Variants in KIF16B observed in about 807,000 individuals in gnomAD.
The protein encoded by KIF16B is kinesin family member 16B.
In KIF16B, 98 loss-of-function variants were observed where a neutral mutation model predicts 156.3. The ratio of observed to expected loss-of-function variants is 0.63; its 90% CI spans 0.53 to 0.74. KIF16B has a LOEUF of 0.74. Ranked by LOEUF, KIF16B falls within the 30% of genes least tolerant of loss-of-function variation. The pLI, the probability that KIF16B is intolerant of heterozygous loss-of-function variation, is 0.00. For synonymous variants in KIF16B, 564 were observed against 583.7 expected, an observed-to-expected ratio of 0.97 and a Z score of 0.49; for missense variants, 1,421 against 1,606.5, an observed-to-expected ratio of 0.88 and a Z score of 1.97.
At position 16,464,797 on chromosome 20, in the gene KIF16B, T is replaced by G. The variant is rs958607938; in HGVS notation, c.1302+29494A>C. On this transcript the variant is annotated intron_variant, in intron 12 of 25. Transcript: ENST00000354981. ...GAACTCTGAATTTCTTTGTTTACTC[T>G]TTCATACTTGCATCCCAACCGCCTA... 3.9e-5 allele frequency among the ~76,000 whole-genome samples: 6 copies of G among 152,306 alleles called. No homozygotes were observed. The East Asian group carries it at 7.7e-4, about 20-fold the overall frequency.
intron 5 of KIF16B, among the ~76,000 whole-genome samples, chr20:16,512,189 C>T (rs1361025545): frequency 1.3e-5 from 2 of 151,936 alleles, no homozygotes; most frequent in Admixed American, 6.6e-5. Flanking sequence ...ACTTCCTGTA[C>T]CATGCTAAGT....
intron 12 of KIF16B, among the ~76,000 whole-genome samples, chr20:16,434,347 G>C (rs1437862730): frequency 6.6e-6 from 1 of 152,170 alleles, no homozygotes; most frequent in Admixed American, 6.5e-5. Context: ...CGCAAGGCCC[G>C]TGTAACCACC....
chr20:16,494,285 C>T lies in KIF16B; in HGVS notation c.1302+6G>A. On this transcript the variant is annotated splice_donor_region_variant and intron_variant, in intron 12 of 25. Transcript: ENST00000354981. ...GTAAGACTAAACACATTTTTCTAGT[C>T]CTTACTTTCAAAATATTTTGGGTTT... is the stretch of plus-strand genomic sequence containing the variant. The T allele has an allele frequency of 6.4e-7, 1 of 1,571,600 alleles. No individual in the cohort carries two copies.
Position 16,508,070 on chromosome 20 carries a change from C to G in KIF16B, c.587G>C (p.Gly196Ala). 1 of 1,614,012 alleles carries G rather than the reference C, an allele frequency of 6.2e-7. No individual in the cohort carries two copies. Among genetic ancestry groups the G allele is most frequent in the Non-Finnish European group, 8.5e-7 (1 of 1,179,946 alleles). ...DLSKHLVQNYGDVEELMDAGN... is the reference protein window; with the variant it reads ...DLSKHLVQNYADVEELMDAGN... Reference sequence around the variant, plus strand: ...CGCATCCATAAGTTCTTCTACGTCACCATAATTCTGTACTAAATGTTTGGA... The same window carrying G: ...CGCATCCATAAGTTCTTCTACGTCAGCATAATTCTGTACTAAATGTTTGGA... Residue 196 changes from glycine to alanine, a missense_variant, in exon 7 of 26, where the codon GGT becomes GCT. By Grantham distance (60) the Gly-to-Ala change is moderately conservative. Coordinates refer to ENST00000354981, the MANE Select transcript of KIF16B (RefSeq NM_024704.5).
At chr20:16,289,638 G>A (rs577126142) in intron 25 of KIF16B, among the ~76,000 whole-genome samples, 1 of 152,284 alleles carries the variant, frequency 6.6e-6, no homozygotes, top group South Asian at 2.1e-4. Flanking sequence ...CGGATCACGA[G>A]GTCAGGAGAT....
At chr20:16,327,296 G>A (rs1054628170) in intron 24 of KIF16B, among the ~76,000 whole-genome samples, 12 of 151,816 alleles carry the variant, frequency 7.9e-5, no homozygotes, top group East Asian at 1.9e-4. Context: ...AGGGGAAAGG[G>A]TGGGAGGGGG....
chr20:16,544,968 G>C (rs1379465386), intron 1 of KIF16B, among the ~76,000 whole-genome samples: 3 of 152,104 alleles, frequency 2.0e-5, no homozygotes, highest in African/African-American at 7.2e-5. Context: ...ATACTTCAAA[G>C]CTTAAACTTT....
chr20:16,504,437 T>A lies in KIF16B; in HGVS notation c.1111A>T (p.Lys371Ter), dbSNP rs752626758. 1.5e-5 allele frequency: 24 copies of A among 1,614,040 alleles called. No individual in the cohort carries two copies. In the East Asian group the frequency reaches 5.1e-4, roughly 34 times the overall value. ...KPTINEDANV[K>*]LIRELRAEIA... ...TCAGCTCGCAGCTCACGGATAAGTT[T>A]GACGTTGGCATCCTCATTAATGGTA... Residue 371 changes from lysine to a stop codon, truncating the protein, a stop_gained, in exon 10 of 26, where the codon AAA becomes TAA. Coordinates refer to ENST00000354981, the MANE Select transcript of KIF16B (RefSeq NM_024704.5). LOFTEE classifies it high-confidence loss of function.
intron 25 of KIF16B, among the ~76,000 whole-genome samples, chr20:16,294,622 C>T (rs2063357109): frequency 6.6e-6 from 1 of 152,160 alleles, no homozygotes; most frequent in Admixed American, 6.5e-5. Flanking sequence ...CTGCCTGGGT[C>T]AGGGTCCATG....
chr20:16,435,842 T>C (rs914360829), intron 12 of KIF16B, among the ~76,000 whole-genome samples: 2 of 152,326 alleles, frequency 1.3e-5, no homozygotes, highest in African/African-American at 4.8e-5. Flanking sequence ...CCTGCAATGA[T>C]GTTGTTTTGG....
chr20:16,419,543 T>C lies in KIF16B; in HGVS notation c.1612+7561A>G, dbSNP rs922826831. Among the ~76,000 whole-genome samples the C allele has an allele frequency of 2.6e-5, 4 of 152,146 alleles. No homozygotes were observed. In the East Asian group the frequency reaches 5.8e-4, roughly 22 times the overall value. On this transcript the variant is annotated intron_variant, in intron 15 of 25. Transcript: ENST00000354981. Reference sequence around the variant, plus strand: ...CTGAGTACTTGAATAGATGAAAATATATTTTGGCACTCAAGCATAACACAT... The same window carrying C: ...CTGAGTACTTGAATAGATGAAAATACATTTTGGCACTCAAGCATAACACAT...
intron 12 of KIF16B, among the ~76,000 whole-genome samples, chr20:16,474,744 C>G (rs6043989): frequency 0.38 from 57,774 of 152,054 alleles, 12,621 homozygotes; most frequent in African/African-American, 0.6. Context: ...GACCTCAGCT[C>G]TGGCAACTAT....
intron 12 of KIF16B, among the ~76,000 whole-genome samples, chr20:16,476,627 T>C (rs901484418): frequency 6.6e-6 from 1 of 152,240 alleles, no homozygotes; most frequent in African/African-American, 2.4e-5. Flanking sequence ...TTTAGGTATA[T>C]CATGGGCTAA....
At chr20:16,395,736 T>C (rs889222860) in intron 17 of KIF16B, among the ~76,000 whole-genome samples, 5 of 152,226 alleles carry the variant, frequency 3.3e-5, no homozygotes, top group African/African-American at 1.2e-4. Flanking sequence ...CAGCCACTGT[T>C]AGCCAGATTC....
chr20:16,369,297 G>C (rs868566153), intron 22 of KIF16B: 29 of 985,584 alleles, frequency 2.9e-5, no homozygotes, highest in Non-Finnish European at 3.5e-5. Flanking sequence ...AGTTGAAATG[G>C]GGATGTGGTA....
At chr20:16,462,397 T>C (rs2067372123) in intron 12 of KIF16B, among the ~76,000 whole-genome samples, 7 of 152,210 alleles carry the variant, frequency 4.6e-5, no homozygotes, top group African/African-American at 2.4e-5. Flanking sequence ...CTGCTACCCA[T>C]GCTAAATTTT....
intron 17 of KIF16B, among the ~76,000 whole-genome samples, chr20:16,399,818 C>T (rs1168527693): frequency 6.6e-6 from 1 of 152,236 alleles, no homozygotes; most frequent in Non-Finnish European, 1.5e-5. Context: ...TGGAAGTCAA[C>T]ATCTTTTCCT....
At chr20:16,331,614 A>C (rs1349983177) in intron 24 of KIF16B, among the ~76,000 whole-genome samples, 1 of 152,200 alleles carries the variant, frequency 6.6e-6, no homozygotes, top group Non-Finnish European at 1.5e-5. Flanking sequence ...CAATTAAGAG[A>C]GCCAGAATAG....
intron 25 of KIF16B, among the ~76,000 whole-genome samples, chr20:16,275,060 T>TTTC: frequency 6.6e-6 from 1 of 151,488 alleles, no homozygotes; most frequent in African/African-American, 2.4e-5. Flanking sequence ...TTGTACTTTT[T>TTTC]TTTTTTTTTT....
Sources: allele counts gnomAD v4.1 joint callset (sites outside exome capture counted in the v4.1 genomes callset), GRCh38; gene constraint gnomAD v4.1.1; transcripts MANE v1.5; gene names NCBI Gene and HGNC (gene_info 2026-07-23, HGNC 2026-07-21).